Variants in MCC observed in about 807,000 individuals in gnomAD.
The protein encoded by MCC is colorectal mutant cancer protein.
A neutral mutation model predicts 116.2 loss-of-function variants in MCC; 90 were observed. That is an observed-to-expected ratio of 0.77 (90% confidence interval 0.65 to 0.92). MCC has a LOEUF of 0.92. MCC is among the 40% of genes least tolerant of loss of function. The pLI is 0.00. For synonymous variants in MCC, 578 were observed against 510.5 expected (o/e 1.13, Z -1.78); for missense variants, 1,516 against 1,312.2 (o/e 1.16, Z -2.40).
chr5:113,232,918 A>G (rs954538357), intron 3 of MCC, among the ~76,000 whole-genome samples: 1 of 152,166 alleles, frequency 6.6e-6, no homozygotes, highest in African/African-American at 2.4e-5. Flanking sequence ...GAGATGATTT[A>G]AAGTATCTAC....
chr5:113,106,175 A>T (rs1581072131), intron 6 of MCC, among the ~76,000 whole-genome samples: 1 of 77,504 alleles, frequency 1.3e-5, no homozygotes, highest in Admixed American at 1.6e-4. Context: ...CCTTCCCCTC[A>T]TTCACTATGC....
At chr5:113,108,869 G>A (rs1756912583) in intron 6 of MCC, among the ~76,000 whole-genome samples, 1 of 152,202 alleles carries the variant, frequency 6.6e-6, no homozygotes, top group Admixed American at 6.5e-5. Context: ...TCCAGTTTGT[G>A]CTGCAGAACT....
At chr5:113,083,199 G>GA (rs60576880) in intron 10 of MCC, among the ~76,000 whole-genome samples, 191 bp from the exon 11 acceptor site, 16,927 of 149,058 alleles carry the variant, frequency 0.11, 2,325 homozygotes, top group African/African-American at 0.33. Context: ...AAAAGCAGTA[G>GA]AAAAAAAAAA....
intron 14 of MCC, among the ~76,000 whole-genome samples, chr5:113,055,736 C>T (rs529245069): frequency 2.0e-4 from 31 of 152,294 alleles, no homozygotes; most frequent in African/African-American, 5.8e-4. Flanking sequence ...GGGCTATGTG[C>T]GCAGTTGCTT....
chr5:113,335,661 C>T (rs1465520920), intron 3 of MCC, among the ~76,000 whole-genome samples: 1 of 151,638 alleles, frequency 6.6e-6, no homozygotes, highest in Admixed American at 6.5e-5. Context: ...CTTTACCAGA[C>T]TCTTAAAATA....
intron 3 of MCC, chr5:113,234,753 A>C (rs962498153): frequency 2.0e-5 from 3 of 152,248 alleles, no homozygotes; most frequent in Non-Finnish European, 4.4e-5. Flanking sequence ...AGCCTTGTGC[A>C]TAATACTATA....
At chr5:113,076,415 G>C (rs1364217768) in intron 11 of MCC, among the ~76,000 whole-genome samples, 3 of 152,178 alleles carry the variant, frequency 2.0e-5, no homozygotes, top group East Asian at 3.8e-4. Context: ...ACAGAGAAAG[G>C]TCGGGTTACC....
chr5:113,308,146 A>T (rs1426072401), intron 3 of MCC, among the ~76,000 whole-genome samples: 1 of 151,888 alleles, frequency 6.6e-6, no homozygotes, highest in Non-Finnish European at 1.5e-5. Flanking sequence ...CTAATTTTTT[A>T]TATATATTGT....
intron 1 of MCC, among the ~76,000 whole-genome samples, chr5:113,439,839 T>C (rs1338773899): frequency 1.3e-5 from 2 of 152,228 alleles, no homozygotes; most frequent in Admixed American, 1.3e-4. Flanking sequence ...TAGCAAGTGT[T>C]GGCTTTTATT....
intron 11 of MCC, among the ~76,000 whole-genome samples, chr5:113,075,135 C>T (rs745909921): frequency 2.8e-4 from 42 of 152,204 alleles, no homozygotes; most frequent in Non-Finnish European, 1.6e-4. Context: ...TTGGAGCAGC[C>T]GGCTGGTGCC....
At chr5:113,335,368 A>G (rs1370139468) in intron 3 of MCC, among the ~76,000 whole-genome samples, 1 of 151,794 alleles carries the variant, frequency 6.6e-6, no homozygotes, top group Non-Finnish European at 1.5e-5. Context: ...ATCAATTAAT[A>G]CTTTTATTAA....
chr5:113,132,793 CAT>C, intron 5 of MCC, among the ~76,000 whole-genome samples: 1 of 152,268 alleles, frequency 6.6e-6, no homozygotes, highest in South Asian at 2.1e-4. Context: ...GTGTTTCAGA[CAT>C]AGTACTCAGT....
chr5:113,048,557 T>G, intron 16 of MCC: 1 of 144,722 alleles, frequency 6.9e-6, no homozygotes, highest in Non-Finnish European at 1.5e-5. Flanking sequence ...TGCTGACATA[T>G]TGTTATAATT....
rs1014883428 is a variant in MCC at position 113,380,440 on chromosome 5, G to C, written c.415+4528C>G. Among the ~76,000 whole-genome samples the C allele has an allele frequency of 3.3e-5, 5 of 152,282 alleles. No individual in the cohort carries two copies. The East Asian group carries it at 9.6e-4, about 29-fold the overall frequency. ...CCACAATCACATTATAAGTTATTTA[G>C]TGTCTGGAACTGTGCACTGCACTTC... is the stretch of plus-strand genomic sequence containing the variant. On this transcript the variant is annotated intron_variant, in intron 2 of 18. Transcript: ENST00000408903.
In MCC at chr5:113,341,455, G is replaced by A. The variant is rs142480427; in HGVS notation, c.416-725C>T. On this transcript the variant is annotated intron_variant, in intron 2 of 18. Transcript: ENST00000408903. The stretch of plus-strand genomic sequence containing the variant: ...CTGCCTTGGCCTCCCAAAATGCTAG[G>A]ATTACAGGTGTGAGCCACTGCAACC... Among the ~76,000 whole-genome samples the A allele has an allele frequency of 6.7e-3, 1,022 of 152,194 alleles. 9 individuals carry two copies. The highest frequency in any genetic ancestry group is 0.015 in the South Asian group (74 of 4,812).
chr5:113,113,285 C>T (rs1757205434), intron 6 of MCC, among the ~76,000 whole-genome samples: 1 of 152,216 alleles, frequency 6.6e-6, no homozygotes, highest in Non-Finnish European at 1.5e-5. Flanking sequence ...ACCAGGAGGG[C>T]TGTTGCTTTC....
chr5:113,037,063 A>G (rs1250012217), intron 17 of MCC, among the ~76,000 whole-genome samples: 2 of 152,228 alleles, frequency 1.3e-5, no homozygotes, highest in East Asian at 3.8e-4. Flanking sequence ...ACCTTTTACA[A>G]TAATGGTCCT....
intron 1 of MCC, among the ~76,000 whole-genome samples, chr5:113,468,701 T>C (rs1019973542): frequency 6.6e-6 from 1 of 152,226 alleles, no homozygotes; most frequent in African/African-American, 2.4e-5. Context: ...CCTCATAAAA[T>C]GAGTTAGGGA....
At chr5:113,365,948 A>T (rs1241156677) in intron 2 of MCC, among the ~76,000 whole-genome samples, 1 of 152,282 alleles carries the variant, frequency 6.6e-6, no homozygotes, top group South Asian at 2.1e-4. Context: ...CCTGTGATCT[A>T]ATCACTTCCC....
Sources: gnomAD v4.1 joint callset for allele counts (sites outside exome capture counted in the v4.1 genomes callset) on GRCh38, gnomAD v4.1.1 for gene constraint, MANE v1.5 for transcripts, NCBI Gene and HGNC (gene_info 2026-07-23, HGNC 2026-07-21) for gene names.